ADGRL2: variants seen among roughly 807,000 people sequenced by gnomAD.
ADGRL2 encodes the protein calcium-independent alpha-latrotoxin receptor 2.
In ADGRL2, 44 loss-of-function variants were observed where a neutral mutation model predicts 157.4. The observed-to-expected ratio is 0.28, with a 90% CI of 0.22 to 0.36. The LOEUF (loss-of-function observed/expected upper bound fraction) is 0.36. ADGRL2 is among the 10% of genes least tolerant of loss of function. The probability of loss-of-function intolerance (pLI) is 1.00; values close to 1 mark genes in which losing one functional copy is unlikely to be tolerated. For synonymous variants in ADGRL2, 585 were observed against 624.7 expected, an observed-to-expected ratio of 0.94 and a Z score of 0.95; for missense variants, 1,510 against 1,768.9, an observed-to-expected ratio of 0.85 and a Z score of 2.63.
At chr1:81,425,250 AAT>A (rs2077191282) in intron 1 of ADGRL2, among the ~76,000 whole-genome samples, 1 of 152,170 alleles carries the variant, frequency 6.6e-6, no homozygotes, top group African/African-American at 2.4e-5. Context: ...CACACAACAC[AAT>A]CACGTACCCA....
At chr1:81,444,076 T>C (rs190276286) in intron 1 of ADGRL2, among the ~76,000 whole-genome samples, 12 of 152,304 alleles carry the variant, frequency 7.9e-5, no homozygotes, top group African/African-American at 2.9e-4. Context: ...CTGAGAGAAG[T>C]AGGCAATAGC....
At chr1:81,945,511 A>G (rs1370410021) in intron 6 of ADGRL2, among the ~76,000 whole-genome samples, 1 of 152,172 alleles carries the variant, frequency 6.6e-6, no homozygotes, top group Non-Finnish European at 1.5e-5. Context: ...TCAGTTCAAC[A>G]AATAAAAACA....
At chr1:81,714,110 T>A (rs943560295) in intron 1 of ADGRL2, among the ~76,000 whole-genome samples, 1 of 152,170 alleles carries the variant, frequency 6.6e-6, no homozygotes, top group African/African-American at 2.4e-5. Context: ...ATAAGCCTCC[T>A]CTGATGATTC....
At chr1:81,725,981 TAAAAC>T (rs146873952) in intron 1 of ADGRL2, among the ~76,000 whole-genome samples, 5 of 151,794 alleles carry the variant, frequency 3.3e-5, no homozygotes, top group Admixed American at 6.6e-5. Context: ...AGACCATGTC[TAAAAC>T]AAAACAAAAC....
chr1:81,473,715 A>G (rs1000192302), intron 2 of ADGRL2, among the ~76,000 whole-genome samples: 2 of 152,164 alleles, frequency 1.3e-5, no homozygotes, highest in Non-Finnish European at 2.9e-5. Flanking sequence ...TGCTTTGTGA[A>G]AGAAAACTAT....
chr1:81,561,705 C>G (rs2080447258), intron 2 of ADGRL2, among the ~76,000 whole-genome samples: 1 of 152,052 alleles, frequency 6.6e-6, no homozygotes, highest in Non-Finnish European at 1.5e-5. Context: ...GGTGATCCAC[C>G]CGCCTCGGCC....
intron 15 of ADGRL2, 54 bp from the exon 16 acceptor site, chr1:81,970,260 G>A: frequency 1.7e-6 from 2 of 1,163,598 alleles, no homozygotes; most frequent in South Asian, 2.5e-5. Context: ...TTTTGGAGTG[G>A]GCTATTTTTA....
chr1:81,656,324 A>C (rs1411989219), intron 3 of ADGRL2, among the ~76,000 whole-genome samples: 1 of 152,196 alleles, frequency 6.6e-6, no homozygotes, highest in Non-Finnish European at 1.5e-5. Flanking sequence ...GACCTACCTC[A>C]CTGAAGTTAA....
At chr1:81,542,156 C>T (rs1232723261) in intron 2 of ADGRL2, among the ~76,000 whole-genome samples, 1 of 152,134 alleles carries the variant, frequency 6.6e-6, no homozygotes, top group Non-Finnish European at 1.5e-5. Context: ...CTAGGGTTCT[C>T]GCCCCGTACC....
At chr1:81,748,660 CT>C (rs72298687) in intron 1 of ADGRL2, among the ~76,000 whole-genome samples, 43,205 of 150,022 alleles carry the variant, frequency 0.29, 6,324 homozygotes, top group South Asian at 0.39. Context: ...TCATTCATTC[CT>C]TTTTTTTTGT....
At chr1:81,764,750 A>G (rs1168085480) in intron 2 of ADGRL2, among the ~76,000 whole-genome samples, 1 of 152,122 alleles carries the variant, frequency 6.6e-6, no homozygotes, top group African/African-American at 2.4e-5. Flanking sequence ...CTGAGTGGTT[A>G]AAGTAGAGGG....
chr1:81,353,771 G>T (rs1168245323), intron 1 of ADGRL2, among the ~76,000 whole-genome samples: 1 of 152,296 alleles, frequency 6.6e-6, no homozygotes, highest in East Asian at 1.9e-4. Flanking sequence ...TGGGATGATA[G>T]TGTGAACGTG....
upstream of ADGRL2, among the ~76,000 whole-genome samples, chr1:81,799,805 T>C (rs1191075476): frequency 6.6e-6 from 1 of 152,204 alleles, no homozygotes; most frequent in Non-Finnish European, 1.5e-5. Flanking sequence ...GCTTATTTAA[T>C]TGATGGCTGC....
intron 14 of ADGRL2, among the ~76,000 whole-genome samples, chr1:81,968,971 T>C (rs994677186): frequency 1.3e-5 from 2 of 152,212 alleles, no homozygotes; most frequent in Non-Finnish European, 1.5e-5. Context: ...CTCTCATAGA[T>C]CATTTTTTAA....
intron 2 of ADGRL2, among the ~76,000 whole-genome samples, chr1:81,548,509 ATTAC>A (rs1283154279): frequency 6.6e-6 from 1 of 152,028 alleles, no homozygotes; most frequent in African/African-American, 2.4e-5. Flanking sequence ...TAGCTTTAAA[ATTAC>A]TTAGCAAGAG....
At chr1:81,768,732 C>T (rs2086235565) in intron 2 of ADGRL2, among the ~76,000 whole-genome samples, 2 of 152,140 alleles carry the variant, frequency 1.3e-5, no homozygotes, top group Admixed American at 6.6e-5. Context: ...CTTAGCCTCT[C>T]AAAGTGCTGG....
chr1:81,962,240 C>T (rs1031434254), intron 11 of ADGRL2, among the ~76,000 whole-genome samples: 8 of 152,092 alleles, frequency 5.3e-5, no homozygotes, highest in South Asian at 4.1e-4. Flanking sequence ...GAATTGGTTA[C>T]GTTATTGTTT....
At chr1:81,451,876 C>CGGCATTAT (rs1218041760) in intron 2 of ADGRL2, among the ~76,000 whole-genome samples, 1 of 152,012 alleles carries the variant, frequency 6.6e-6, no homozygotes, top group African/African-American at 2.4e-5. Flanking sequence ...TATAAAGACA[C>CGGCATTAT]GGCATTATAA....
intron 1 of ADGRL2, among the ~76,000 whole-genome samples, chr1:81,419,423 G>A (rs2077088657): frequency 6.6e-6 from 1 of 152,082 alleles, no homozygotes; most frequent in Non-Finnish European, 1.5e-5. Context: ...GCCCAGGCTG[G>A]TCTCGAACTC....
Sources: allele counts gnomAD v4.1 joint callset (sites outside exome capture counted in the v4.1 genomes callset), GRCh38; gene constraint gnomAD v4.1.1; transcripts MANE v1.5; gene names NCBI Gene and HGNC (gene_info 2026-07-23, HGNC 2026-07-21).